Variants in IGSF3 observed in about 807,000 individuals in gnomAD.
IGSF3 encodes the protein glu-Trp-Ile EWI motif-containing protein 3.
In IGSF3, 23 loss-of-function variants were observed where a neutral mutation model predicts 114.4. The observed-to-expected ratio is 0.20, with a 90% CI of 0.14 to 0.28. IGSF3 has a LOEUF of 0.28. Among genes scored for constraint, IGSF3 ranks in the 10% least tolerant of loss-of-function variants. IGSF3 has a pLI of 1.00. For missense variants in IGSF3, 1,172 were observed against 1,591.5 expected (o/e 0.74, Z 4.48); for synonymous variants, 571 against 645.2 (o/e 0.88, Z 1.74).
intron 4 of IGSF3, 101 bp downstream of exon 4, chr1:116,613,664 C>G (rs1661104719): frequency 8.9e-7 from 1 of 1,120,366 alleles, no homozygotes; most frequent in African/African-American, 1.5e-5. Context: ...AACCTGCTGT[C>G]CTGGTAGAGG....
At chr1:116,601,296 T>C (rs1571142983) in intron 6 of IGSF3, among the ~76,000 whole-genome samples, 1 of 152,204 alleles carries the variant, frequency 6.6e-6, no homozygotes, top group South Asian at 2.1e-4. Flanking sequence ...TCCAACCACA[T>C]GTAACTGATT....
chr1:116,662,682 C>G lies in IGSF3; in HGVS notation c.43+3602G>C, dbSNP rs1649164894. Among the ~76,000 whole-genome samples the G allele has an allele frequency of 6.6e-6, 1 of 152,196 alleles. No homozygotes were observed. The highest frequency in any genetic ancestry group is 1.5e-5 in the Non-Finnish European group (1 of 68,034). On this transcript the variant is annotated intron_variant, in intron 2 of 10. Coordinates refer to ENST00000369486, the MANE Select transcript of IGSF3 (RefSeq NM_001007237.3). This position sits in a 1 kb window ranked among gnomAD's most constrained non-coding sequence, Gnocchi z 4.3. ...GACAAGAATTTCCTTCTCCTGCACC[C>G]TTGTCAAATGGTCCCCAGGAAAGGG...
At position 116,666,372 on chromosome 1, in the gene IGSF3, C is replaced by T; in HGVS notation, c.-46G>A. The T allele has an allele frequency of 6.3e-7, 1 of 1,584,972 alleles. No individual in the cohort carries two copies. The highest frequency in any genetic ancestry group is 8.7e-7 in the Non-Finnish European group (1 of 1,153,394). On this transcript the variant is annotated 5_prime_UTR_variant, in exon 2 of 11. Transcript: ENST00000369486. The stretch of plus-strand genomic sequence containing the variant: ...ACAACACAAGGCGCTTCCTCTTCTC[C>T]CAGCTCCTAATCTCTCATTTCTGGC...
At position 116,645,883 on chromosome 1, in the gene IGSF3, G is replaced by A. The variant is rs1390992439; in HGVS notation, c.43+20401C>T. On this transcript the variant is annotated intron_variant, in intron 2 of 10. Transcript: ENST00000369486. ...AGAACCAGGACAGCGGCTGAGCACA[G>A]CCAGACAGGGAGGGCAGCCTGGTGG... Among the ~76,000 whole-genome samples, 43 of 152,368 alleles carry A rather than the reference G, an allele frequency of 2.8e-4. 1 individual carries two copies. The highest frequency in any genetic ancestry group is 1.0e-4 in the Non-Finnish European group (7 of 68,034).
rs1268465306 is a variant in IGSF3 at position 116,629,849 on chromosome 1, C to T, written c.44-13392G>A. On this transcript the variant is annotated intron_variant, in intron 2 of 10. Coordinates refer to ENST00000369486, the MANE Select transcript of IGSF3 (RefSeq NM_001007237.3). This position sits in a 1 kb window ranked among gnomAD's most constrained non-coding sequence, Gnocchi z 4.3. ...ACTTTCCATTCCATGTTGATCCCTT[C>T]CAAGCCTTCTAACGCATCTCTTCTC... Among the ~76,000 whole-genome samples, 2 of 152,226 alleles carry T rather than the reference C, an allele frequency of 1.3e-5. No homozygotes were observed. Among genetic ancestry groups the T allele is most frequent in the Non-Finnish European group, 2.9e-5 (2 of 68,038 alleles).
At position 116,628,324 on chromosome 1, in the gene IGSF3, T is replaced by A. The variant is rs1205577312; in HGVS notation, c.44-11867A>T. Among the ~76,000 whole-genome samples, 1 of 152,188 alleles carries A rather than the reference T, an allele frequency of 6.6e-6. No homozygotes were observed. The highest frequency in any genetic ancestry group is 1.5e-5 in the Non-Finnish European group (1 of 68,034). Reference sequence around the variant, plus strand: ...GTGCTCCAAATACTCAGCTTACACATGCCTGTTGCTGCTGCACTCCCCACT... The same window carrying A: ...GTGCTCCAAATACTCAGCTTACACAAGCCTGTTGCTGCTGCACTCCCCACT... On this transcript the variant is annotated intron_variant, in intron 2 of 10. Coordinates refer to ENST00000369486, the MANE Select transcript of IGSF3 (RefSeq NM_001007237.3). This position sits in a 1 kb window ranked among gnomAD's most constrained non-coding sequence, Gnocchi z 4.2.
At position 116,595,993 on chromosome 1, in the gene IGSF3, T is replaced by C. The variant is rs1295871331; in HGVS notation, c.2029+3948A>G. On this transcript the variant is annotated intron_variant, in intron 7 of 10. Transcript: ENST00000369486. The surrounding 1 kb of genome is among the most constrained non-coding windows in gnomAD (Gnocchi z 4.2). ...AATGGCAACGTTGACAGTGATGGCA[T>C]TCCTTGAAGATTCTGTTGGGGATAT... is the stretch of plus-strand genomic sequence containing the variant. Among the ~76,000 whole-genome samples, 4 of 152,368 alleles carry C rather than the reference T, an allele frequency of 2.6e-5. No individual in the cohort carries two copies. The highest frequency in any genetic ancestry group is 3.4e-3 in the Middle Eastern group (1 of 294).
intron 2 of IGSF3, among the ~76,000 whole-genome samples, chr1:116,653,357 G>A (rs1440926169): frequency 3.9e-5 from 6 of 152,166 alleles, no homozygotes; most frequent in Non-Finnish European, 8.8e-5. Context: ...TGACAAGGAG[G>A]CACATATAGT....
In IGSF3 at chr1:116,602,274, G is replaced by C. The variant is rs148351351; in HGVS notation, c.1624+1350C>G. Among the ~76,000 whole-genome samples the C allele has an allele frequency of 2.3e-3, 355 of 151,828 alleles. 2 individuals carry two copies. The highest frequency in any genetic ancestry group is 8.0e-3 in the African/African-American group (332 of 41,376). On this transcript the variant is annotated intron_variant, in intron 6 of 10. Coordinates refer to ENST00000369486, the MANE Select transcript of IGSF3 (RefSeq NM_001007237.3). ...ATGGTGAGTAAGAAAAAACTCAGGGGATAACCTGATAACATAAATTACTTC... is the reference window on the plus strand; with the variant it reads ...ATGGTGAGTAAGAAAAAACTCAGGGCATAACCTGATAACATAAATTACTTC...
chr1:116,587,036 G>A (rs958538821), intron 8 of IGSF3, among the ~76,000 whole-genome samples: 6 of 151,876 alleles, frequency 4.0e-5, no homozygotes, highest in Non-Finnish European at 5.9e-5. Flanking sequence ...AGGCAAAGGA[G>A]GGGAACAGAC....
chr1:116,646,662 C>T lies in IGSF3; in HGVS notation c.43+19622G>A, dbSNP rs569293733. ...GGTAGAGAGAGCTACACTGAGACAA[C>T]AAAGGCAGCTTAAGGGAACAAAGCC... On this transcript the variant is annotated intron_variant, in intron 2 of 10. Coordinates refer to ENST00000369486, the MANE Select transcript of IGSF3 (RefSeq NM_001007237.3). Among the ~76,000 whole-genome samples, 82 of 152,288 alleles carry T rather than the reference C, an allele frequency of 5.4e-4. 1 individual carries two copies. Among genetic ancestry groups the T allele is most frequent in the African/African-American group, 1.9e-3 (80 of 41,554 alleles).
chr1:116,581,747 T>G (rs1659609838), intron 9 of IGSF3, among the ~76,000 whole-genome samples: 1 of 152,152 alleles, frequency 6.6e-6, no homozygotes, highest in South Asian at 2.1e-4. Flanking sequence ...AGAACATGCT[T>G]GAGAACAGAA....
In IGSF3 at chr1:116,577,650, T is replaced by C. The variant is rs1659409972; in HGVS notation, c.3335-88A>G. On this transcript the variant is annotated intron_variant, in intron 10 of 10. Coordinates refer to ENST00000369486, the MANE Select transcript of IGSF3 (RefSeq NM_001007237.3). This position sits in a 1 kb window ranked among gnomAD's most constrained non-coding sequence, Gnocchi z 5.7. ...CTTTTGAAGACCTCACCTGACCCAG[T>C]GGAAGCTCCTCGGTGACACTCCCAC... 1.5e-6 allele frequency: 2 copies of C among 1,317,872 alleles called. No homozygotes were observed. Among genetic ancestry groups the C allele is most frequent in the Non-Finnish European group, 2.1e-6 (2 of 941,428 alleles). 81.6% of individuals were successfully genotyped at this position (1,317,872 alleles called of 1,614,324 possible). A position where few individuals can be genotyped will look rare whatever the true frequency, so the allele number is the denominator to read the frequency against.
chr1:116,616,847 CAAAT>C lies in IGSF3; in HGVS notation c.44-394_44-391del, dbSNP rs1284744823. On this transcript the variant is annotated intron_variant, in intron 2 of 10. Transcript: ENST00000369486. This position sits in a 1 kb window ranked among gnomAD's most constrained non-coding sequence, Gnocchi z 6.6. ...TCCTTGGCACAAATTCAGATGAAAACAAATAAAAGCAACCATCTAGAAATCTGGC... is the reference window on the plus strand; with the variant it reads ...TCCTTGGCACAAATTCAGATGAAAACAAAAGCAACCATCTAGAAATCTGGC... Among the ~76,000 whole-genome samples, 1 of 152,124 alleles carries C rather than the reference CAAAT, an allele frequency of 6.6e-6. No homozygotes were observed. The highest frequency in any genetic ancestry group is 6.5e-5 in the Admixed American group (1 of 15,280).
chr1:116,595,947 G>C lies in IGSF3; in HGVS notation c.2029+3994C>G, dbSNP rs185861131. Among the ~76,000 whole-genome samples, 1 of 152,204 alleles carries C rather than the reference G, an allele frequency of 6.6e-6. No homozygotes were observed. The highest frequency in any genetic ancestry group is 2.4e-5 in the African/African-American group (1 of 41,444). On this transcript the variant is annotated intron_variant, in intron 7 of 10. Coordinates refer to ENST00000369486, the MANE Select transcript of IGSF3 (RefSeq NM_001007237.3). The surrounding 1 kb of genome is among the most constrained non-coding windows in gnomAD (Gnocchi z 4.2). The stretch of plus-strand genomic sequence containing the variant: ...GAGGGGTCACACTATGTGATCAATG[G>C]GGATCAGACTAAGCTAGATCAATGG...
Position 116,657,038 on chromosome 1 carries a change from A to G in IGSF3, c.43+9246T>C, listed in dbSNP as rs536817125. On this transcript the variant is annotated intron_variant, in intron 2 of 10. Coordinates refer to ENST00000369486, the MANE Select transcript of IGSF3 (RefSeq NM_001007237.3). This position sits in a 1 kb window ranked among gnomAD's most constrained non-coding sequence, Gnocchi z 4.2. ...TACGTTTACATAATACTTTACCCCAATACATTTTGTCTGCTGTTCTAAATC... is the reference window on the plus strand; with the variant it reads ...TACGTTTACATAATACTTTACCCCAGTACATTTTGTCTGCTGTTCTAAATC... Among the ~76,000 whole-genome samples, 75 of 152,272 alleles carry G rather than the reference A, an allele frequency of 4.9e-4. No homozygotes were observed. The highest frequency in any genetic ancestry group is 1.7e-3 in the African/African-American group (70 of 41,546).
chr1:116,663,022 T>C (rs2101090208), intron 2 of IGSF3, among the ~76,000 whole-genome samples: 1 of 152,342 alleles, frequency 6.6e-6, no homozygotes, highest in East Asian at 1.9e-4. Flanking sequence ...TCTCTCCCTC[T>C]GGAGCAGAAC....
rs886430801 is a variant in IGSF3, at chr1:116,592,879, A to G, written c.2030-3775T>C. 2.6e-5 allele frequency among the ~76,000 whole-genome samples: 4 copies of G among 152,188 alleles called. No homozygotes were observed. Among genetic ancestry groups the G allele is most frequent in the African/African-American group, 9.7e-5 (4 of 41,432 alleles). On this transcript the variant is annotated intron_variant, in intron 7 of 10. Transcript: ENST00000369486. This position sits in a 1 kb window ranked among gnomAD's most constrained non-coding sequence, Gnocchi z 4.5. ...TGGTTACTTTTCAAAAGGAGGGGCA[A>G]TTCTGATTTTGATAGAAAAGAGAAC...
At position 116,598,902 on chromosome 1, in the gene IGSF3, C is replaced by T. The variant is rs1335741791; in HGVS notation, c.2029+1039G>A. Among the ~76,000 whole-genome samples the T allele has an allele frequency of 6.6e-6, 1 of 152,286 alleles. No individual in the cohort carries two copies. The highest frequency in any genetic ancestry group is 2.4e-5 in the African/African-American group (1 of 41,558). On this transcript the variant is annotated intron_variant, in intron 7 of 10. Coordinates refer to ENST00000369486, the MANE Select transcript of IGSF3 (RefSeq NM_001007237.3). This position sits in a 1 kb window ranked among gnomAD's most constrained non-coding sequence, Gnocchi z 4.3. ...TGTCAGCTGAAGAGCCTGATGAAGGCGAGAGTGTTTGCAGAAAGCCCCACT... is the reference window on the plus strand; with the variant it reads ...TGTCAGCTGAAGAGCCTGATGAAGGTGAGAGTGTTTGCAGAAAGCCCCACT...
Sources: allele counts gnomAD v4.1 joint callset (sites outside exome capture counted in the v4.1 genomes callset), GRCh38; gene constraint gnomAD v4.1.1; non-coding constraint Gnocchi (gnomAD v3.1); transcripts MANE v1.5; gene names NCBI Gene and HGNC (gene_info 2026-07-23, HGNC 2026-07-21).